Variants in DIABLO observed in about 807,000 individuals in gnomAD.
The protein encoded by DIABLO is diablo IAP-binding mitochondrial protein, also known as diablo homolog, mitochondrial.
Under a neutral mutation model 31.7 loss-of-function variants are expected in DIABLO, and 32 were observed. The observed-to-expected ratio is 1.01, with a 90% confidence interval of 0.76 to 1.35. The LOEUF (loss-of-function observed/expected upper bound fraction) is 1.35, where lower values mean the gene tolerates loss of function less well. Ranked by LOEUF, DIABLO falls within the 40% of genes most tolerant of loss-of-function variation. The pLI is 0.00. For synonymous variants in DIABLO, 132 were observed against 103.2 expected (o/e 1.28, Z -1.69); for missense variants, 316 against 286.4 (o/e 1.10, Z -0.75).
At chr12:122,219,609 T>C (rs1329710545) in intron 2 of DIABLO, among the ~76,000 whole-genome samples, 2 of 151,588 alleles carry the variant, frequency 1.3e-5, no homozygotes, top group South Asian at 2.1e-4. Context: ...GTAATCCCAA[T>C]AGTTTGGGAG....
At chr12:122,227,384 CTG>C, upstream of DIABLO, 1 of 454,112 alleles carries the variant, frequency 2.2e-6, no homozygotes, top group South Asian at 1.6e-5. Context: ...ATCTTCCACC[CTG>C]AAGCTCCGCG....
chr12:122,224,514 G>A lies in DIABLO; in HGVS notation c.181C>T (p.Gln61Ter). The change falls in exon 2 of 6, where the codon CAG (glutamine) becomes TAG (stop). Residue 61 changes from glutamine to a stop codon, truncating the protein, a stop_gained and splice_region_variant. Coordinates refer to ENST00000464942, the MANE Select transcript of DIABLO (RefSeq NM_001371333.1). LOFTEE classifies it high-confidence loss of function. Reference protein sequence around the residue: ...GVTLCAVPIAQKSEPHSLSSE... With the variant: ...GVTLCAVPIA ...AGAATCACTGCACACGACAGTACCT[G>A]TGCAATAGGAACCGCACACAGGGTT... The A allele has an allele frequency of 2.5e-6, 4 of 1,613,726 alleles. No individual in the cohort carries two copies. Among genetic ancestry groups the A allele is most frequent in the Non-Finnish European group, 3.4e-6 (4 of 1,179,958 alleles).
intron 2 of DIABLO, among the ~76,000 whole-genome samples, chr12:122,223,802 TG>T (rs1421439593): frequency 2.0e-5 from 3 of 152,174 alleles, no homozygotes; most frequent in Non-Finnish European, 2.9e-5. Flanking sequence ...TTACCTCATT[TG>T]TTTTGTTTTG....
At position 122,209,356 on chromosome 12, in the gene DIABLO, C is replaced by CAAA. The variant is rs893723674; in HGVS notation, c.524-782_524-780dup. On this transcript the variant is annotated intron_variant, in intron 5 of 5. Coordinates refer to ENST00000464942, the MANE Select transcript of DIABLO (RefSeq NM_001371333.1). Reference sequence around the variant, plus strand: ...CCAGCCTGGGCGACAGACTCCGTCTCAAAAAAAAAAGAAAAAAAGAAAAAA... The same window carrying CAAA: ...CCAGCCTGGGCGACAGACTCCGTCTCAAAAAAAAAAAAAGAAAAAAAGAAAAAA... Among the ~76,000 whole-genome samples, 6 of 127,802 alleles carry CAAA rather than the reference C, an allele frequency of 4.7e-5. 1 individual carries two copies. In the South Asian group the frequency reaches 1.4e-3, roughly 30 times the overall value. The allele number at this position is 127,802 out of a possible 152,430, so 83.8% of individuals were successfully genotyped here.
chr12:122,225,800 G>A (rs2136110915), intron 1 of DIABLO, 165 bp downstream of exon 1: 2 of 1,468,416 alleles, frequency 1.4e-6, no homozygotes, highest in Middle Eastern at 4.9e-4. Context: ...GGGGGCGGAG[G>A]CGGGGCTGTC....
At chr12:122,213,647 T>TA (rs1954139068) in intron 5 of DIABLO, among the ~76,000 whole-genome samples, 1 of 152,192 alleles carries the variant, frequency 6.6e-6, no homozygotes, top group Non-Finnish European at 1.5e-5. Context: ...CTTCTAGATA[T>TA]AAGCATATCC....
intron 5 of DIABLO, among the ~76,000 whole-genome samples, chr12:122,215,788 G>A (rs1276505687): frequency 6.7e-6 from 1 of 148,828 alleles, no homozygotes; most frequent in Admixed American, 6.9e-5. Flanking sequence ...TATAATCCCA[G>A]CACTTTGGGA....
Position 122,225,949 on chromosome 12 carries a change from G to A in DIABLO, c.50+16C>T. The stretch of plus-strand genomic sequence containing the variant: ...CTCCCTCTGGTCCTGTCCCCTCTAC[G>A]CGGCCGCAGCGGTACCTGAAGAATG... On this transcript the variant is annotated intron_variant, in intron 1 of 5. Coordinates refer to ENST00000464942, the MANE Select transcript of DIABLO (RefSeq NM_001371333.1). 3 of 1,585,348 alleles carry A rather than the reference G, an allele frequency of 1.9e-6. No individual in the cohort carries two copies. The highest frequency in any genetic ancestry group is 2.6e-6 in the Non-Finnish European group (3 of 1,166,458).
chr12:122,210,823 A>AGTGCTGGGATTACAGGCGTG (rs1954070367), intron 5 of DIABLO, among the ~76,000 whole-genome samples: 1 of 151,964 alleles, frequency 6.6e-6, no homozygotes, highest in African/African-American at 2.4e-5. Context: ...TTAGGTGTTT[A>AGTGCTGGGATTACAGGCGTG]AAAACCACTC....
intron 5 of DIABLO, chr12:122,209,942 A>C: frequency 1.6e-6 from 1 of 625,296 alleles, no homozygotes; most frequent in South Asian, 1.8e-5. Flanking sequence ...CTTAGATTCG[A>C]ATCATAAATG....
rs781418419 is a variant in DIABLO at position 122,224,658 on chromosome 12, T to TCA, written c.51-16_51-15dup. 17 of 1,613,978 alleles carry TCA rather than the reference T, an allele frequency of 1.1e-5. No homozygotes were observed. Among genetic ancestry groups the TCA allele is most frequent in the Non-Finnish European group, 1.4e-5 (17 of 1,180,022 alleles). ...CACTGTCTGTACCTGGAAGTAGAAGTCAGATTTCATAAGGCACGACCGCCA... is the reference window on the plus strand; with the variant it reads ...CACTGTCTGTACCTGGAAGTAGAAGTCACAGATTTCATAAGGCACGACCGCCA... On this transcript the variant is annotated splice_polypyrimidine_tract_variant and intron_variant, in intron 1 of 5. Transcript: ENST00000464942.
chr12:122,225,714 CA>C, intron 1 of DIABLO: 1 of 1,419,350 alleles, frequency 7.0e-7, no homozygotes, highest in Non-Finnish European at 9.2e-7. Flanking sequence ...GGAGCAGCCC[CA>C]AGAAGGCAGC....
intron 3 of DIABLO, 43 bp downstream of exon 3, chr12:122,218,223 C>G (rs1954256912): frequency 6.2e-7 from 1 of 1,612,250 alleles, no homozygotes; most frequent in Non-Finnish European, 8.5e-7. Flanking sequence ...CCATTATTTG[C>G]TAAACCATGG....
intron 5 of DIABLO, among the ~76,000 whole-genome samples, chr12:122,216,167 T>C (rs372143319): frequency 6.6e-6 from 1 of 152,186 alleles, no homozygotes; most frequent in African/African-American, 2.4e-5. Context: ...AATTCTATGA[T>C]TGTTAATAAA....
At chr12:122,213,675 A>T (rs774498985) in intron 5 of DIABLO, among the ~76,000 whole-genome samples, 1 of 152,096 alleles carries the variant, frequency 6.6e-6, no homozygotes, top group Non-Finnish European at 1.5e-5. Flanking sequence ...CACTGCACCT[A>T]GAAATCCTCT....
At position 122,208,503 on chromosome 12, in the gene DIABLO, G is replaced by C; in HGVS notation, c.598C>G (p.Leu200Val). The change falls in exon 6 of 6, where the codon CTC (leucine) becomes GTC (valine). Residue 200 changes from leucine (L) to valine (V), a missense_variant. Coordinates refer to ENST00000464942, the MANE Select transcript of DIABLO (RefSeq NM_001371333.1). ...VKLQVEEVHQ[L>V]SRKAETKLAE... ...AGCTTGGTTTCTGCTTTCCGGGAGA[G>C]CTGGTGCACCTCTTCCACCTGCAGT... 1 of 1,614,124 alleles carries C rather than the reference G, an allele frequency of 6.2e-7. No individual in the cohort carries two copies. Among genetic ancestry groups the C allele is most frequent in the Non-Finnish European group, 8.5e-7 (1 of 1,180,038 alleles).
At chr12:122,220,465 G>GCCA (rs1449387512) in intron 2 of DIABLO, 9 of 151,620 alleles carry the variant, frequency 5.9e-5, no homozygotes, top group Admixed American at 5.9e-4. Context: ...GACAAGCCTG[G>GCCA]CCAACATGGT....
At chr12:122,209,768 C>T in intron 5 of DIABLO, 1 of 703,324 alleles carries the variant, frequency 1.4e-6, no homozygotes, top group Non-Finnish European at 2.6e-6. Context: ...ACATTTTGAT[C>T]TTACTGCATT....
chr12:122,226,694 A>C, upstream of DIABLO: 1 of 590,548 alleles, frequency 1.7e-6, no homozygotes, highest in Non-Finnish European at 3.0e-6. Flanking sequence ...CACAGTGCCG[A>C]CCTCCCCAAC....
Sources: allele counts gnomAD v4.1 joint callset (sites outside exome capture counted in the v4.1 genomes callset), GRCh38; gene constraint gnomAD v4.1.1; transcripts MANE v1.5; gene names NCBI Gene and HGNC (gene_info 2026-07-23, HGNC 2026-07-21).